Variants in PACS2 observed in about 807,000 individuals in gnomAD.
The protein encoded by PACS2 is phosphofurin acidic cluster sorting protein 2.
Under a neutral mutation model 113.0 loss-of-function variants are expected in PACS2, and 36 were observed. The ratio of observed to expected loss-of-function variants is 0.32; its 90% CI spans 0.24 to 0.42. The LOEUF is 0.42. Among genes scored for constraint, PACS2 ranks in the 10% least tolerant of loss-of-function variants. The pLI is 1.00. For missense variants in PACS2, 1,015 were observed against 1,239.5 expected (o/e 0.82, Z 2.72); for synonymous variants, 589 against 536.1 (o/e 1.10, Z -1.36).
At position 105,376,879 on chromosome 14, in the gene PACS2, A is replaced by G. The variant is rs370457228; in HGVS notation, c.913A>G (p.Met305Val). The change falls in exon 9 of 25, where the codon ATG (methionine) becomes GTG (valine). Residue 305 changes from methionine (M) to valine (V), a missense_variant. Physicochemically the swap from Met to Val is conservative, Grantham distance 21 (BLOSUM62 1). Coordinates refer to ENST00000447393, the MANE Select transcript of PACS2 (RefSeq NM_001100913.3). This position sits in a 1 kb window ranked among gnomAD's most constrained non-coding sequence, Gnocchi z 4.7. The stretch of plus-strand genomic sequence containing the variant: ...GCACCCCAGCGACAGCGGCCCCGAC[A>G]TGGAGGATGACGACAGCGTCCTCAG... ...MEHPSDSGPD[M>V]EDDDSVLSTP... 2.1e-5 allele frequency: 34 copies of G among 1,612,810 alleles called. No individual in the cohort carries two copies. The African/African-American group carries it at 4.1e-4, about 20-fold the overall frequency.
chr14:105,391,038 A>G, intron 20 of PACS2, 169 bp from the exon 21 acceptor site: 2 of 638,416 alleles, frequency 3.1e-6, no homozygotes, highest in Admixed American at 4.8e-5. Context: ...CTCTGAGCTC[A>G]GCTCTGCTCC....
At position 105,348,417 on chromosome 14, in the gene PACS2, C is replaced by T. The variant is rs2060024485; in HGVS notation, c.120-76C>T. ...CAGGGTGCAGGCTCCCGGGGTGACA[C>T]AGTGCTGGGACGGCACAGGGCCGCG... On this transcript the variant is annotated intron_variant, in intron 1 of 24. Transcript: ENST00000447393. This position sits in a 1 kb window ranked among gnomAD's most constrained non-coding sequence, Gnocchi z 6.4. The T allele has an allele frequency of 1.7e-6, 2 of 1,157,180 alleles. No homozygotes were observed. Among genetic ancestry groups the T allele is most frequent in the Admixed American group, 1.9e-5 (1 of 53,092 alleles). 71.7% of individuals were successfully genotyped at this position (1,157,180 alleles called of 1,614,324 possible).
chr14:105,376,715 T>C lies in PACS2; in HGVS notation c.802-53T>C. On this transcript the variant is annotated intron_variant, in intron 8 of 24. Coordinates refer to ENST00000447393, the MANE Select transcript of PACS2 (RefSeq NM_001100913.3). This position sits in a 1 kb window ranked among gnomAD's most constrained non-coding sequence, Gnocchi z 4.7. ...ACTCTGGGGTCTCGGGCGCCCCCAG[T>C]GGGGCAATGTGGGCTGCTGCAGGGA... 1 of 1,580,090 alleles carries C rather than the reference T, an allele frequency of 6.3e-7. No homozygotes were observed. The highest frequency in any genetic ancestry group is 1.1e-5 in the South Asian group (1 of 89,162).
chr14:105,362,351 A>C (rs1566941018), intron 4 of PACS2, among the ~76,000 whole-genome samples: 1 of 144,946 alleles, frequency 6.9e-6, no homozygotes. Flanking sequence ...CTGGAGGTGG[A>C]GCTTGCAGTG....
chr14:105,363,328 C>G lies in PACS2; in HGVS notation c.424-3885C>G, dbSNP rs587634199. Among the ~76,000 whole-genome samples the G allele has an allele frequency of 3.3e-5, 5 of 152,084 alleles. No individual in the cohort carries two copies. The East Asian group carries it at 9.7e-4, about 29-fold the overall frequency. On this transcript the variant is annotated intron_variant, in intron 4 of 24. Coordinates refer to ENST00000447393, the MANE Select transcript of PACS2 (RefSeq NM_001100913.3). ...ATCTTCTTCCAATGGAAGGCTGTGTCTTCTACGTTGAAAATCTGTTGTTTA... is the reference window on the plus strand; with the variant it reads ...ATCTTCTTCCAATGGAAGGCTGTGTGTTCTACGTTGAAAATCTGTTGTTTA...
At chr14:105,309,827 C>A (rs1461539222), upstream of PACS2, among the ~76,000 whole-genome samples, 5 of 146,520 alleles carry the variant, frequency 3.4e-5, no homozygotes, top group Non-Finnish European at 7.4e-5. The surrounding 1 kb of genome is among the most constrained non-coding windows in gnomAD (Gnocchi z 4.0). Flanking sequence ...ACTCTCTTGC[C>A]CAGGCAGGAG....
At position 105,340,232 on chromosome 14, in the gene PACS2, C is replaced by G. The variant is rs1218796827; in HGVS notation, c.120-8261C>G. ...GTGCTTCAGAAATGGCCTCATTCAT[C>G]TGTGGGGAAAGGATATACTTCTGGG... On this transcript the variant is annotated intron_variant, in intron 1 of 24. Transcript: ENST00000447393. The surrounding 1 kb of genome is among the most constrained non-coding windows in gnomAD (Gnocchi z 4.2). Among the ~76,000 whole-genome samples, 1 of 152,200 alleles carries G rather than the reference C, an allele frequency of 6.6e-6. No individual in the cohort carries two copies. Among genetic ancestry groups the G allele is most frequent in the African/African-American group, 2.4e-5 (1 of 41,448 alleles).
intron 1 of PACS2, among the ~76,000 whole-genome samples, chr14:105,327,227 A>T (rs1459816426): frequency 6.6e-6 from 1 of 152,168 alleles, no homozygotes; most frequent in African/African-American, 2.4e-5. Flanking sequence ...CGAGCCTCAG[A>T]AGCGAGGGGG....
chr14:105,345,490 C>T (rs2059891736), intron 1 of PACS2, among the ~76,000 whole-genome samples: 1 of 152,202 alleles, frequency 6.6e-6, no homozygotes, highest in South Asian at 2.1e-4. Flanking sequence ...TATAAATTCT[C>T]ATTTCAGAAC....
intron 24 of PACS2, 114 bp downstream of exon 24, chr14:105,393,449 C>A: frequency 1.6e-6 from 1 of 635,024 alleles, no homozygotes; most frequent in Non-Finnish European, 2.7e-6. Flanking sequence ...ACGCACATTC[C>A]ACGATTCAAG....
At chr14:105,338,296 T>C (rs1333821232) in intron 1 of PACS2, among the ~76,000 whole-genome samples, 1 of 152,206 alleles carries the variant, frequency 6.6e-6, no homozygotes, top group African/African-American at 2.4e-5. Context: ...CACTTTCTGC[T>C]GAGTCAGGTT....
In PACS2 at chr14:105,394,982, C is replaced by T. The variant is rs1049678121; in HGVS notation, c.*310C>T. 1.0e-4 allele frequency: 33 copies of T among 326,674 alleles called. No homozygotes were observed. Among genetic ancestry groups the T allele is most frequent in the Admixed American group, 9.4e-4 (22 of 23,466 alleles). 20.2% of individuals were successfully genotyped at this position (326,674 alleles called of 1,614,324 possible). A position where few individuals can be genotyped will look rare whatever the true frequency, so the allele number is the denominator to read the frequency against. ...AGAGCCTCACAGGCTGAGTTCTTGC[C>T]TCTGTGTCCTGTCCTTCCTGGAAGT... On this transcript the variant is annotated 3_prime_UTR_variant, in exon 25 of 25. Transcript: ENST00000447393.
At chr14:105,339,926 G>A (rs1209446272) in intron 1 of PACS2, among the ~76,000 whole-genome samples, 4 of 151,512 alleles carry the variant, frequency 2.6e-5, no homozygotes, top group Non-Finnish European at 4.4e-5. Flanking sequence ...TTACAGGCAT[G>A]AGCCACCACA....
At chr14:105,391,478 G>C (rs2081353680) in intron 21 of PACS2, 153 bp from the exon 22 acceptor site, 4 of 727,220 alleles carry the variant, frequency 5.5e-6, no homozygotes, top group South Asian at 1.8e-5. Context: ...AGGAGAATCC[G>C]AGACCCTCCC....
At chr14:105,343,185 A>G (rs2140973525) in intron 1 of PACS2, among the ~76,000 whole-genome samples, 2 of 152,252 alleles carry the variant, frequency 1.3e-5, no homozygotes, top group Admixed American at 1.3e-4. Context: ...TCTCTCACTC[A>G]ACACGATGCC....
rs955516217 is a variant in PACS2, at chr14:105,356,504, C to T, written c.423+1327C>T. On this transcript the variant is annotated intron_variant, in intron 4 of 24. Coordinates refer to ENST00000447393, the MANE Select transcript of PACS2 (RefSeq NM_001100913.3). The surrounding 1 kb of genome is among the most constrained non-coding windows in gnomAD (Gnocchi z 4.0). Reference sequence around the variant, plus strand: ...TGGTGGCCTGGAGCTGCCCATCATCCCAGCCTCCCTCCTGCAGGCTGAGCG... The same window carrying T: ...TGGTGGCCTGGAGCTGCCCATCATCTCAGCCTCCCTCCTGCAGGCTGAGCG... Among the ~76,000 whole-genome samples the T allele has an allele frequency of 1.2e-4, 19 of 152,162 alleles. No homozygotes were observed. The highest frequency in any genetic ancestry group is 4.6e-4 in the African/African-American group (19 of 41,432).
Position 105,323,005 on chromosome 14 carries a change from T to C in PACS2, c.119+7968T>C, listed in dbSNP as rs1018182392. Among the ~76,000 whole-genome samples the C allele has an allele frequency of 2.0e-5, 3 of 152,194 alleles. No homozygotes were observed. The highest frequency in any genetic ancestry group is 6.5e-5 in the Admixed American group (1 of 15,280). On this transcript the variant is annotated intron_variant, in intron 1 of 24. Coordinates refer to ENST00000447393, the MANE Select transcript of PACS2 (RefSeq NM_001100913.3). This position sits in a 1 kb window ranked among gnomAD's most constrained non-coding sequence, Gnocchi z 4.1. ...CAGGTCCAGGCAGGGCGTCCCTGGC[T>C]TTGACTTCCAGCTTTGCTGTAAGAG...
intron 1 of PACS2, among the ~76,000 whole-genome samples, chr14:105,341,312 C>G (rs2059716083): frequency 6.6e-6 from 1 of 152,228 alleles, no homozygotes; most frequent in Non-Finnish European, 1.5e-5. Context: ...CTCTTTTATT[C>G]ACCTATTTCG....
intron 1 of PACS2, among the ~76,000 whole-genome samples, chr14:105,341,110 CAG>C (rs1283540831): frequency 6.6e-6 from 1 of 152,262 alleles, no homozygotes; most frequent in Non-Finnish European, 1.5e-5. Context: ...GGAGAGCACA[CAG>C]TGCGTTTCTG....
Sources: gnomAD v4.1 joint callset for allele counts (sites outside exome capture counted in the v4.1 genomes callset) on GRCh38, gnomAD v4.1.1 for gene constraint, Gnocchi (gnomAD v3.1) non-coding constraint, MANE v1.5 for transcripts, NCBI Gene and HGNC (gene_info 2026-07-23, HGNC 2026-07-21) for gene names.